The following PSD2 variants were observed in gnomAD, a reference collection of about 807,000 sequenced individuals.
PSD2 encodes pleckstrin and Sec7 domain containing 2.
In PSD2, 38 loss-of-function variants were observed where a neutral mutation model predicts 69.8. That is an observed-to-expected ratio of 0.54 (90% CI 0.42 to 0.71). PSD2 has a LOEUF of 0.71. Among genes scored for constraint, PSD2 ranks in the 30% least tolerant of loss-of-function variants. The probability of loss-of-function intolerance (pLI) is 0.00; values close to 1 mark genes in which losing one functional copy is unlikely to be tolerated. For missense variants in PSD2, 943 were observed against 1,014.5 expected (o/e 0.93, Z 0.96); for synonymous variants, 412 against 423.0 (o/e 0.97, Z 0.32).
chr5:139,790,987 G>T (rs941965101), upstream of PSD2, among the ~76,000 whole-genome samples: 4 of 152,034 alleles, frequency 2.6e-5, no homozygotes, highest in Admixed American at 1.3e-4. Context: ...GGAGGTGGGG[G>T]GTGCAGTGAA....
the PSD2 span, among the ~76,000 whole-genome samples, chr5:139,754,870 A>AAAAAC: frequency 1.8e-4 from 28 of 152,080 alleles, no homozygotes; most frequent in African/African-American, 6.5e-4. Flanking sequence ...CTGTCTCAAA[A>AAAAAC]AAAAACAAAA....
At chr5:139,766,978 TTTC>T in the PSD2 span, among the ~76,000 whole-genome samples, 1 of 142,894 alleles carries the variant, frequency 7.0e-6, no homozygotes, top group South Asian at 2.3e-4. Context: ...TCTTTCTTTC[TTTC>T]TTTCTTTCTT....
At position 139,837,902 on chromosome 5, in the gene PSD2, C is replaced by G; in HGVS notation, c.1823+120C>G. On this transcript the variant is annotated intron_variant, in intron 12 of 14. Coordinates refer to ENST00000274710, the MANE Select transcript of PSD2 (RefSeq NM_032289.4). The surrounding 1 kb of genome is among the most constrained non-coding windows in gnomAD (Gnocchi z 5.0). ...AGCATGTGTATCCACATGACACAGACCGACAGCTGGGTCCCTCCAAAGCAG... is the reference window on the plus strand; with the variant it reads ...AGCATGTGTATCCACATGACACAGAGCGACAGCTGGGTCCCTCCAAAGCAG... 2.1e-6 allele frequency: 2 copies of G among 959,332 alleles called. No homozygotes were observed. The highest frequency in any genetic ancestry group is 3.4e-5 in the South Asian group (2 of 58,196). 59.4% of individuals were successfully genotyped at this position (959,332 alleles called of 1,614,324 possible).
intron 1 of PSD2, among the ~76,000 whole-genome samples, chr5:139,804,478 A>G (rs1382738901): frequency 1.3e-5 from 2 of 152,182 alleles, no homozygotes; most frequent in African/African-American, 4.8e-5. Flanking sequence ...CCAGGGCAGG[A>G]TCTTCCATCA....
rs576350806 is a variant in PSD2, at chr5:139,828,820, TGTA to T, written c.1270-4881_1270-4879del. ...GTGGATGATGGCCTGGGCATCACCC[TGTA>T]CCCGTCTAGCCTCTACTCTGGGCAA... is the stretch of plus-strand genomic sequence containing the variant. On this transcript the variant is annotated intron_variant, in intron 7 of 14. Coordinates refer to ENST00000274710, the MANE Select transcript of PSD2 (RefSeq NM_032289.4). Among the ~76,000 whole-genome samples the T allele has an allele frequency of 3.3e-3, 510 of 152,328 alleles. 3 individuals are homozygous for T. The highest frequency in any genetic ancestry group is 5.0e-3 in the Admixed American group (76 of 15,310).
At chr5:139,782,170 GT>G in the PSD2 span, among the ~76,000 whole-genome samples, 1 of 151,858 alleles carries the variant, frequency 6.6e-6, no homozygotes, top group African/African-American at 2.4e-5. Flanking sequence ...TTGTTATCTA[GT>G]TTTTTTTGTT....
At position 139,842,655 on chromosome 5, in the gene PSD2, C is replaced by T; in HGVS notation, c.*181C>T. On this transcript the variant is annotated 3_prime_UTR_variant, in exon 15 of 15. Transcript: ENST00000274710. ...TTTGTGGCGTTGATCTCCTTGCGTC[C>T]TTGGGCATCTCCGGGCATCAGACCC... 1.7e-6 allele frequency: 1 copy of T among 601,764 alleles called. No individual in the cohort carries two copies. Among genetic ancestry groups the T allele is most frequent in the Non-Finnish European group, 2.9e-6 (1 of 341,068 alleles). 37.3% of individuals were successfully genotyped at this position (601,764 alleles called of 1,614,324 possible).
chr5:139,841,784 G>A (rs749212558), intron 14 of PSD2, among the ~76,000 whole-genome samples: 1 of 152,130 alleles, frequency 6.6e-6, no homozygotes, highest in Admixed American at 6.5e-5. Context: ...CTTGTTGGCC[G>A]TTTGTATGCT....
At chr5:139,796,417 A>G (rs1759530090) in intron 1 of PSD2, among the ~76,000 whole-genome samples, 1 of 152,196 alleles carries the variant, frequency 6.6e-6, no homozygotes, top group South Asian at 2.1e-4. Flanking sequence ...GCCTGCCGGC[A>G]GCCACCTTCA....
At chr5:139,748,063 G>T in the PSD2 span, among the ~76,000 whole-genome samples, 1 of 152,234 alleles carries the variant, frequency 6.6e-6, no homozygotes, top group Non-Finnish European at 1.5e-5. Context: ...AGGGGGCGAA[G>T]GTCTGCGGAC....
At chr5:139,780,481 T>C in the PSD2 span, among the ~76,000 whole-genome samples, 8 of 152,212 alleles carry the variant, frequency 5.3e-5, no homozygotes, top group Non-Finnish European at 7.3e-5. Flanking sequence ...TCTCGCTCTA[T>C]TGCCCAGGCT....
In PSD2 at chr5:139,839,430, A is replaced by T. The variant is rs534081901; in HGVS notation, c.1969-597A>T. The stretch of plus-strand genomic sequence containing the variant: ...AAACCATACACATTCACATGTGTAA[A>T]CACACAGGTGGTGACTCATACACAC... On this transcript the variant is annotated intron_variant, in intron 13 of 14. Transcript: ENST00000274710. This position sits in a 1 kb window ranked among gnomAD's most constrained non-coding sequence, Gnocchi z 5.1. Among the ~76,000 whole-genome samples the T allele has an allele frequency of 5.3e-5, 8 of 152,376 alleles. No homozygotes were observed. The South Asian group carries it at 1.7e-3, about 32-fold the overall frequency.
chr5:139,766,913 C>T, the PSD2 span, among the ~76,000 whole-genome samples: 2,983 of 33,832 alleles, frequency 0.088, 355 homozygotes, highest in Non-Finnish European at 0.11. Context: ...CCCTCCCTTC[C>T]TTCCTTCCTT....
intron 1 of PSD2, among the ~76,000 whole-genome samples, chr5:139,797,859 T>G (rs1403042200): frequency 6.6e-6 from 1 of 152,142 alleles, no homozygotes; most frequent in Non-Finnish European, 1.5e-5. Flanking sequence ...TCTCCTCTTC[T>G]TCCCTGGAGA....
At chr5:139,831,328 A>G (rs1220929353) in intron 7 of PSD2, among the ~76,000 whole-genome samples, 1 of 152,216 alleles carries the variant, frequency 6.6e-6, no homozygotes, top group Non-Finnish European at 1.5e-5. Context: ...TATTTAAGGC[A>G]TATATCTTGT....
At chr5:139,745,610 C>G in the PSD2 span, among the ~76,000 whole-genome samples, 1 of 152,256 alleles carries the variant, frequency 6.6e-6, no homozygotes, top group African/African-American at 2.4e-5. Flanking sequence ...GACTTCGCCC[C>G]CGTCCCCAAG....
intron 1 of PSD2, among the ~76,000 whole-genome samples, chr5:139,800,509 T>A (rs1298247705): frequency 6.6e-6 from 1 of 152,204 alleles, no homozygotes; most frequent in African/African-American, 2.4e-5. Flanking sequence ...TGATCCGCCC[T>A]CCTCGGCTGC....
chr5:139,825,203 G>C (rs569049620), intron 7 of PSD2, among the ~76,000 whole-genome samples: 1 of 152,338 alleles, frequency 6.6e-6, no homozygotes, highest in Admixed American at 6.5e-5. Context: ...TGATGGGTCC[G>C]GTCTAAGGGT....
At chr5:139,751,890 C>G in the PSD2 span, among the ~76,000 whole-genome samples, 1 of 150,058 alleles carries the variant, frequency 6.7e-6, no homozygotes, top group African/African-American at 2.5e-5. Context: ...ACCTTCTAGA[C>G]TCAGCAATCC....
Sources: gnomAD v4.1 joint callset for allele counts (sites outside exome capture counted in the v4.1 genomes callset) on GRCh38, gnomAD v4.1.1 for gene constraint, Gnocchi (gnomAD v3.1) non-coding constraint, MANE v1.5 for transcripts, NCBI Gene and HGNC (gene_info 2026-07-23, HGNC 2026-07-21) for gene names.